Variants in COL23A1 observed in about 807,000 individuals in gnomAD.
COL23A1 encodes collagen type XXIII alpha 1 chain.
COL23A1 carries 97 observed loss-of-function variants against 99.3 expected under a neutral mutation model. The observed-to-expected ratio is 0.98, with a 90% CI of 0.83 to 1.16. The LOEUF (loss-of-function observed/expected upper bound fraction) is 1.16, where lower values mean the gene tolerates loss of function less well. Ranked by LOEUF, COL23A1 falls within the 50% of genes most tolerant of loss-of-function variation. The probability of loss-of-function intolerance (pLI) is 0.00; values close to 1 mark genes in which losing one functional copy is unlikely to be tolerated. For synonymous variants in COL23A1, 320 were observed against 308.2 expected, an observed-to-expected ratio of 1.04 and a Z score of -0.40; for missense variants, 762 against 757.4, an observed-to-expected ratio of 1.01 and a Z score of -0.07.
chr5:178,416,861 G>T (rs907640616), intron 2 of COL23A1, among the ~76,000 whole-genome samples: 1 of 151,956 alleles, frequency 6.6e-6, no homozygotes, highest in Non-Finnish European at 1.5e-5. Flanking sequence ...GAGGAGCTGA[G>T]GGTGAGGGCA....
intron 2 of COL23A1, among the ~76,000 whole-genome samples, chr5:178,474,264 A>G (rs764194189): frequency 8.5e-5 from 13 of 152,204 alleles, no homozygotes; most frequent in Non-Finnish European, 1.8e-4. Flanking sequence ...ATTGATTTTA[A>G]GGGTTATCCC....
chr5:178,414,569 C>T (rs1640746690), intron 2 of COL23A1, among the ~76,000 whole-genome samples: 2 of 152,030 alleles, frequency 1.3e-5, no homozygotes, highest in Admixed American at 1.3e-4. Flanking sequence ...GTCAGGAGTT[C>T]GAGACCAGCC....
chr5:178,403,045 G>A (rs1764536686), intron 2 of COL23A1, among the ~76,000 whole-genome samples: 1 of 148,852 alleles, frequency 6.7e-6, no homozygotes, highest in African/African-American at 2.5e-5. Flanking sequence ...GGAGGTGGAG[G>A]TTGAAGTGAG....
intron 2 of COL23A1, among the ~76,000 whole-genome samples, chr5:178,324,623 G>T (rs901063652): frequency 1.1e-4 from 16 of 152,166 alleles, no homozygotes; most frequent in Non-Finnish European, 4.4e-5. Context: ...CCAAGGGAGG[G>T]CGAGTCACTG....
At chr5:178,355,787 T>C (rs1761614798) in intron 2 of COL23A1, among the ~76,000 whole-genome samples, 1 of 152,128 alleles carries the variant, frequency 6.6e-6, no homozygotes, top group South Asian at 2.1e-4. Flanking sequence ...TATTTTTTTC[T>C]GAATTTTTTT....
At chr5:178,411,550 TATA>T (rs1344673679) in intron 2 of COL23A1, among the ~76,000 whole-genome samples, 1 of 152,214 alleles carries the variant, frequency 6.6e-6, no homozygotes, top group Non-Finnish European at 1.5e-5. Flanking sequence ...AAAGGTGTTG[TATA>T]ACTTACATGA....
At chr5:178,379,724 A>C (rs979332271) in intron 2 of COL23A1, among the ~76,000 whole-genome samples, 2 of 152,084 alleles carry the variant, frequency 1.3e-5, no homozygotes, top group African/African-American at 4.8e-5. Context: ...TCTACTAAAA[A>C]TACAAAATGA....
rs374995044 is a variant in COL23A1, at chr5:178,268,902, A to G, written c.469-146T>C. The stretch of plus-strand genomic sequence containing the variant: ...ATTACACATGAGCTCTCAGCCCTCA[A>G]TGAGAGCTGCCCTGGCTGGCCCAAG... On this transcript the variant is annotated intron_variant, in intron 6 of 28. Transcript: ENST00000390654. The G allele has an allele frequency of 1.0e-3, 739 of 721,238 alleles. 4 individuals are homozygous for G. The highest frequency in any genetic ancestry group is 1.3e-3 in the Non-Finnish European group (589 of 461,292). The allele number at this position is 721,238 out of a possible 1,614,324, so 44.7% of individuals were successfully genotyped here. A position where few individuals can be genotyped will look rare whatever the true frequency, so the allele number is the denominator to read the frequency against.
intron 1 of COL23A1, among the ~76,000 whole-genome samples, chr5:178,584,612 C>T (rs567029784): frequency 1.9e-4 from 29 of 152,192 alleles, no homozygotes; most frequent in South Asian, 1.2e-3. Context: ...GGTTGCTGCT[C>T]GGTGAGGGAA....
intron 3 of COL23A1, among the ~76,000 whole-genome samples, chr5:178,297,770 A>G (rs1221956580): frequency 1.2e-5 from 1 of 83,660 alleles, no homozygotes; most frequent in Non-Finnish European, 2.8e-5. Flanking sequence ...CTGGGTAGGC[A>G]CAAGCACTTA....
intron 2 of COL23A1, among the ~76,000 whole-genome samples, chr5:178,358,579 GTGTA>G (rs1301674096): frequency 4.7e-5 from 7 of 149,332 alleles, no homozygotes; most frequent in South Asian, 2.1e-4. Context: ...TAATGTGTAT[GTGTA>G]TGTGTGTGTA....
rs111896455 is a variant in COL23A1, at chr5:178,328,422, G to A, written c.362-21503C>T. Among the ~76,000 whole-genome samples the A allele has an allele frequency of 8.3e-3, 1,270 of 152,272 alleles. 19 individuals carry two copies. Among genetic ancestry groups the A allele is most frequent in the African/African-American group, 0.029 (1,204 of 41,542 alleles). ...CAAAGTCCACGGCCACCTTCTTAGC[G>A]CAGAGCAGCCTGGTAAAGAGAGACC... is the stretch of plus-strand genomic sequence containing the variant. On this transcript the variant is annotated intron_variant, in intron 2 of 28. Transcript: ENST00000390654.
chr5:178,486,497 C>T (rs1035688975), intron 2 of COL23A1, among the ~76,000 whole-genome samples: 8 of 152,102 alleles, frequency 5.3e-5, no homozygotes, highest in Non-Finnish European at 1.0e-4. Context: ...TAGCAAAAAG[C>T]CGAACGGTTA....
At chr5:178,262,442 C>T (rs891944331) in intron 9 of COL23A1, among the ~76,000 whole-genome samples, 190 bp from the exon 10 acceptor site, 8 of 152,118 alleles carry the variant, frequency 5.3e-5, no homozygotes, top group South Asian at 2.1e-4. Context: ...GCCACTGGCC[C>T]GGTGTGACAA....
chr5:178,538,506 T>G (rs1761106656), intron 2 of COL23A1, among the ~76,000 whole-genome samples: 1 of 152,238 alleles, frequency 6.6e-6, no homozygotes, highest in Admixed American at 6.5e-5. Context: ...TCCATTTCTA[T>G]TCTAATCTTG....
At chr5:178,502,616 C>T (rs1758630802) in intron 2 of COL23A1, among the ~76,000 whole-genome samples, 1 of 152,200 alleles carries the variant, frequency 6.6e-6, no homozygotes, top group Admixed American at 6.5e-5. Context: ...AGTTCATCCA[C>T]ATCAAGTGCT....
chr5:178,298,912 T>A lies in COL23A1; in HGVS notation c.406+7963A>T, dbSNP rs1000289010. Among the ~76,000 whole-genome samples, 4 of 152,254 alleles carry A rather than the reference T, an allele frequency of 2.6e-5. No individual in the cohort carries two copies. In the East Asian group the frequency reaches 7.7e-4, roughly 29 times the overall value. On this transcript the variant is annotated intron_variant, in intron 3 of 28. Coordinates refer to ENST00000390654, the MANE Select transcript of COL23A1 (RefSeq NM_173465.4). ...CTTGTGGATTTCATCAAATGCTTTA[T>A]CTGCATTTACTGAGACGATCATGTG...
rs887013391 is a variant in COL23A1 at position 178,280,155 on chromosome 5, C to T, written c.441+8169G>A. On this transcript the variant is annotated intron_variant, in intron 5 of 28. Coordinates refer to ENST00000390654, the MANE Select transcript of COL23A1 (RefSeq NM_173465.4). This position sits in a 1 kb window ranked among gnomAD's most constrained non-coding sequence, Gnocchi z 4.9. ...AGGGAACACTAGAGGGCGCGCTTGA[C>T]CTGCCGAAGGCTGCCTCCAGCCCTG... Among the ~76,000 whole-genome samples, 10 of 152,236 alleles carry T rather than the reference C, an allele frequency of 6.6e-5. No homozygotes were observed. The highest frequency in any genetic ancestry group is 2.4e-4 in the African/African-American group (10 of 41,460).
chr5:178,328,590 A>G (rs2913787), intron 2 of COL23A1, among the ~76,000 whole-genome samples: 86,676 of 152,074 alleles, frequency 0.57, 25,669 homozygotes, highest in East Asian at 0.81. Context: ...GGCTGAGTAT[A>G]AAGTAAGGCT....
Sources: gnomAD v4.1 joint callset for allele counts (sites outside exome capture counted in the v4.1 genomes callset) on GRCh38, gnomAD v4.1.1 for gene constraint, Gnocchi (gnomAD v3.1) non-coding constraint, MANE v1.5 for transcripts, NCBI Gene and HGNC (gene_info 2026-07-23, HGNC 2026-07-21) for gene names.